The following ZNF236 variants were observed in gnomAD, a reference collection of about 807,000 sequenced individuals.
ZNF236 encodes zinc finger protein 236, also known as regulated by glucose.
Under a neutral mutation model 191.2 loss-of-function variants are expected in ZNF236, and 50 were observed. The ratio of observed to expected loss-of-function variants is 0.26; its 90% CI spans 0.21 to 0.33. The LOEUF (loss-of-function observed/expected upper bound fraction) is 0.33, where lower values mean the gene tolerates loss of function less well. Ranked by LOEUF, ZNF236 falls within the 10% of genes least tolerant of loss-of-function variation. The probability of loss-of-function intolerance (pLI) is 1.00; values close to 1 mark genes in which losing one functional copy is unlikely to be tolerated. For synonymous variants in ZNF236, 907 were observed against 928.8 expected (o/e 0.98, Z 0.43); for missense variants, 1,754 against 2,374.5 (o/e 0.74, Z 5.43).
intron 16 of ZNF236, 116 bp from the exon 17 acceptor site, chr18:76,912,128 C>G (rs1042229112): frequency 9.8e-6 from 7 of 714,900 alleles, no homozygotes; most frequent in African/African-American, 1.8e-5. Flanking sequence ...TGGGGTTTCT[C>G]TCTCTTAGAT....
At chr18:76,894,908 A>G in intron 9 of ZNF236, 105 bp from the exon 10 acceptor site, 1 of 1,466,014 alleles carries the variant, frequency 6.8e-7, no homozygotes, top group Non-Finnish European at 9.2e-7. Flanking sequence ...AAGCTTTCCC[A>G]TAACTGATCA....
At position 76,972,460 on chromosome 18, in the gene ZNF236, C is replaced by T. The variant is rs1361537942; in HGVS notation, c.*4121C>T. Among the ~76,000 whole-genome samples the T allele has an allele frequency of 6.6e-6, 1 of 152,002 alleles. No individual in the cohort carries two copies. The highest frequency in any genetic ancestry group is 1.5e-5 in the Non-Finnish European group (1 of 67,982). On this transcript the variant is annotated 3_prime_UTR_variant, in exon 31 of 31. Coordinates refer to ENST00000320610, the MANE Select transcript of ZNF236 (RefSeq NM_001306089.2). Reference sequence around the variant, plus strand: ...ACTCACCCACACACTCACCCTCACACTCACCCACACACCCTCACACTCACC... The same window carrying T: ...ACTCACCCACACACTCACCCTCACATTCACCCACACACCCTCACACTCACC...
chr18:76,886,092 A>C (rs1977045541), intron 9 of ZNF236: 1 of 152,126 alleles, frequency 6.6e-6, no homozygotes, highest in Non-Finnish European at 1.5e-5. Context: ...TTCCTTTTTG[A>C]TGGGTGTTTA....
chr18:76,865,219 C>T (rs999729860), intron 3 of ZNF236, among the ~76,000 whole-genome samples: 5 of 152,188 alleles, frequency 3.3e-5, no homozygotes, highest in Admixed American at 2.6e-4. Flanking sequence ...TGCCTGTAGT[C>T]CCAGGTACTT....
chr18:76,936,415 A>C, intron 25 of ZNF236: 1 of 456,702 alleles, frequency 2.2e-6, no homozygotes, highest in Middle Eastern at 3.3e-4. Context: ...TCTGCCAGCA[A>C]GGTACATGAG....
In ZNF236 at chr18:76,959,699, A is replaced by G; in HGVS notation, c.5125A>G (p.Thr1709Ala). Residue 1709 changes from threonine (T) to alanine (A), a missense_variant, in exon 29 of 31, where the codon ACA becomes GCA. Physicochemically the swap from Thr to Ala is moderately conservative, Grantham distance 58 (BLOSUM62 0). Transcript: ENST00000320610. ...TGTTGTCTCCCAGGAGCACATGCAG[A>G]CACACCAGGCCGGCCCCTCTTTGAG... is the stretch of plus-strand genomic sequence containing the variant. ...RATHLKEHMQ[T>A]HQAGPSLSSQ... is the part of the protein sequence containing the mutation. 6.2e-7 allele frequency: 1 copy of G among 1,612,114 alleles called. No homozygotes were observed. Among genetic ancestry groups the G allele is most frequent in the Non-Finnish European group, 8.5e-7 (1 of 1,178,870 alleles).
At chr18:76,911,713 T>C (rs1459707813) in intron 16 of ZNF236, among the ~76,000 whole-genome samples, 1 of 152,176 alleles carries the variant, frequency 6.6e-6, no homozygotes, top group African/African-American at 2.4e-5. Context: ...CATGGATCTA[T>C]TATAGAGTGG....
rs1279342169 is a variant in ZNF236, at chr18:76,933,080, CAT to C, written c.4595-4075_4595-4074del. ...TCAGTCAGTGGGTGCAAGGCTCCCA[CAT>C]GTTATGCAGCTGACATTTCTGTATA... On this transcript the variant is annotated intron_variant, in intron 25 of 30. Transcript: ENST00000320610. 5.9e-5 allele frequency among the ~76,000 whole-genome samples: 9 copies of C among 152,336 alleles called. No homozygotes were observed. The East Asian group carries it at 1.2e-3, about 20-fold the overall frequency.
rs113268596 is a variant in ZNF236, at chr18:76,905,695, G to A, written c.2297+280G>A. ...AAGCTGTCTTTTAAAGCTGTTAGTT[G>A]GTAATTAGTTGAAATGCTGGACTGT... On this transcript the variant is annotated intron_variant, in intron 13 of 30. Coordinates refer to ENST00000320610, the MANE Select transcript of ZNF236 (RefSeq NM_001306089.2). 9.7e-4 allele frequency among the ~76,000 whole-genome samples: 148 copies of A among 152,216 alleles called. 4 individuals are homozygous for A. The highest frequency in any genetic ancestry group is 3.5e-3 in the African/African-American group (144 of 41,528).
rs145853096 is a variant in ZNF236, at chr18:76,963,505, A to G, written c.5419+2650A>G. 1.1e-3 allele frequency among the ~76,000 whole-genome samples: 173 copies of G among 152,256 alleles called. 2 individuals carry two copies. The highest frequency in any genetic ancestry group is 2.4e-3 in the Admixed American group (36 of 15,292). On this transcript the variant is annotated intron_variant, in intron 30 of 30. Transcript: ENST00000320610. ...TATTTTGTTAAGGATTTTAGCATCT[A>G]TGTTCATCAGGGATAATGGTCTGTA...
chr18:76,868,650 G>C, intron 3 of ZNF236, 35 bp from the exon 4 acceptor site: 1 of 1,554,680 alleles, frequency 6.4e-7, no homozygotes, highest in Admixed American at 2.0e-5. Context: ...GTTTTGAAAG[G>C]TTTGCTCTGC....
intron 25 of ZNF236, chr18:76,935,888 C>T (rs868638323): frequency 9.4e-5 from 42 of 445,832 alleles, no homozygotes; most frequent in African/African-American, 6.8e-4. Flanking sequence ...CTGGAGCAGG[C>T]GGGAGGGTCT....
At chr18:76,910,951 C>A in intron 16 of ZNF236, 140 bp downstream of exon 16, 2 of 857,576 alleles carry the variant, frequency 2.3e-6, no homozygotes, top group Non-Finnish European at 1.7e-6. Flanking sequence ...TACTGCATTA[C>A]CTGGGAAATC....
chr18:76,926,982 A>G (rs1967714748), intron 22 of ZNF236, 55 bp from the exon 23 acceptor site: 2 of 1,553,950 alleles, frequency 1.3e-6, no homozygotes, highest in Non-Finnish European at 1.7e-6. Context: ...GAATTACTTT[A>G]GTTTTAAGAA....
In ZNF236 at chr18:76,960,376, G is replaced by A. The variant is rs1480087367; in HGVS notation, c.5243-303G>A. On this transcript the variant is annotated intron_variant, in intron 29 of 30. Transcript: ENST00000320610. The surrounding 1 kb of genome is among the most constrained non-coding windows in gnomAD (Gnocchi z 4.4). ...CTGCCCTAACAGGACATCATCCCGG[G>A]CTCATTTCTGTTGTGATCATCTGAC... is the stretch of plus-strand genomic sequence containing the variant. 1.3e-5 allele frequency among the ~76,000 whole-genome samples: 2 copies of A among 152,268 alleles called. No homozygotes were observed. The highest frequency in any genetic ancestry group is 6.5e-5 in the Admixed American group (1 of 15,302).
chr18:76,904,465 G>A lies in ZNF236; in HGVS notation c.1980G>A (p.Lys660=). 6.2e-7 allele frequency: 1 copy of A among 1,611,202 alleles called. No homozygotes were observed. The change falls in exon 12 of 31, where the codon AAG becomes AAA. Residue 660 remains lysine, a synonymous_variant. Transcript: ENST00000320610. ...NFVNEADRPY[K]CFYCHRAYKK... is the part of the protein sequence containing the mutation. ...TCAATGAAGCAGATAGACCATACAA[G>A]TGTTTTTACTGTCATCGTGCATATA... is the stretch of plus-strand genomic sequence containing the variant.
chr18:76,833,063 T>C (rs1391096863), intron 1 of ZNF236, among the ~76,000 whole-genome samples: 1 of 152,228 alleles, frequency 6.6e-6, no homozygotes, highest in East Asian at 1.9e-4. Flanking sequence ...ATTGGTATTG[T>C]ATCCAAAGTC....
At chr18:76,926,728 C>A (rs1457158259) in intron 22 of ZNF236, among the ~76,000 whole-genome samples, 56 of 2,350 alleles carry the variant, frequency 0.024, no homozygotes, top group Middle Eastern at 0.1. Context: ...GTGATTAGAC[C>A]ATGTGTGTGT....
chr18:76,921,996 T>C (rs532495053), intron 20 of ZNF236, among the ~76,000 whole-genome samples: 1 of 152,280 alleles, frequency 6.6e-6, no homozygotes, highest in South Asian at 2.1e-4. Flanking sequence ...TTTTTGAGTA[T>C]TTTTTTCGGA....
Sources: allele counts gnomAD v4.1 joint callset (sites outside exome capture counted in the v4.1 genomes callset), GRCh38; gene constraint gnomAD v4.1.1; non-coding constraint Gnocchi (gnomAD v3.1); transcripts MANE v1.5; gene names NCBI Gene and HGNC (gene_info 2026-07-23, HGNC 2026-07-21).